Variants in WDR64 observed in about 807,000 individuals in gnomAD.
The protein encoded by WDR64 is WD repeat-containing protein 64.
WDR64 carries 112 observed loss-of-function variants against 139.3 expected under a neutral mutation model. The observed-to-expected ratio is 0.80, with a 90% confidence interval of 0.69 to 0.94. The LOEUF is 0.94. WDR64 is among the 40% of genes least tolerant of loss of function. The pLI is 0.00. For missense variants in WDR64, 1,206 were observed against 1,293.1 expected (o/e 0.93, Z 1.03); for synonymous variants, 444 against 437.7 (o/e 1.01, Z -0.18).
intron 9 of WDR64, among the ~76,000 whole-genome samples, chr1:241,713,422 GGGAAGGA>G (rs1668267655): frequency 9.4e-6 from 1 of 106,294 alleles, no homozygotes; most frequent in Non-Finnish European, 2.1e-5. Flanking sequence ...AGGGAAGGAA[GGGAAGGA>G]AGGAAGGGAA....
intron 23 of WDR64, 116 bp from the exon 24 acceptor site, chr1:241,787,733 C>G: frequency 1.2e-6 from 1 of 845,352 alleles, no homozygotes; most frequent in Non-Finnish European, 1.8e-6. Context: ...GTCTTGAACC[C>G]AAGTAAAAAA....
chr1:241,730,784 C>A (rs10926554), intron 10 of WDR64, among the ~76,000 whole-genome samples: 23,865 of 152,078 alleles, frequency 0.16, 2,190 homozygotes, highest in East Asian at 0.28. Context: ...CAAAAAGAAG[C>A]TAAAAATCTA....
intron 22 of WDR64, 90 bp downstream of exon 22, chr1:241,780,152 ACAAGACTCTC>A (rs377061565): frequency 1.8e-6 from 2 of 1,097,966 alleles, no homozygotes; most frequent in African/African-American, 3.3e-5. Flanking sequence ...GGATAGAAAT[ACAAGACTCTC>A]TGTTGTCAAG....
chr1:241,652,644 T>G lies in WDR64; in HGVS notation c.145+15T>G. ...CCATAAAGAAGGTAAGATCAGTGAT[T>G]ACACGATAGTCCAATTGGGTCTGTT... On this transcript the variant is annotated intron_variant, in intron 1 of 27. Transcript: ENST00000437684. The G allele has an allele frequency of 6.4e-7, 1 of 1,551,248 alleles. No homozygotes were observed. The highest frequency in any genetic ancestry group is 8.7e-7 in the Non-Finnish European group (1 of 1,146,864).
chr1:241,739,381 C>T (rs748637011), intron 11 of WDR64, among the ~76,000 whole-genome samples: 2 of 152,162 alleles, frequency 1.3e-5, no homozygotes, highest in Non-Finnish European at 2.9e-5. Context: ...TTAATTAAGG[C>T]AGGGAAGAGG....
intron 9 of WDR64, among the ~76,000 whole-genome samples, chr1:241,718,217 C>A (rs1408642193): frequency 6.6e-6 from 1 of 152,094 alleles, no homozygotes; most frequent in Non-Finnish European, 1.5e-5. Context: ...CTAGGCTCAC[C>A]AGATAATGGG....
rs1175795110 is a variant in WDR64 at position 241,801,402 on chromosome 1, C to G, written c.*187C>G. On this transcript the variant is annotated 3_prime_UTR_variant, in exon 28 of 28. Coordinates refer to ENST00000437684, the MANE Select transcript of WDR64 (RefSeq NM_001367482.1). ...ACCTTAACTCTGAATACCAAGCAAG[C>G]AGCAAGCAGCCAGAAGTTTAGGCGG... 2.0e-6 allele frequency: 1 copy of G among 498,846 alleles called. No homozygotes were observed. 30.9% of individuals were successfully genotyped at this position (498,846 alleles called of 1,614,324 possible).
intron 10 of WDR64, among the ~76,000 whole-genome samples, chr1:241,725,121 G>T (rs987127835): frequency 4.6e-5 from 7 of 151,804 alleles, no homozygotes; most frequent in Admixed American, 3.9e-4. Flanking sequence ...AGTCAGTAGG[G>T]GAAAGAAAGT....
At chr1:241,664,497 C>A (rs1558460377) in intron 2 of WDR64, among the ~76,000 whole-genome samples, 1 of 152,176 alleles carries the variant, frequency 6.6e-6, no homozygotes, top group Non-Finnish European at 1.5e-5. Context: ...ACAAATGAGA[C>A]AAAGCACTCT....
chr1:241,790,562 T>G (rs751387950), intron 24 of WDR64, 29 bp from the exon 25 acceptor site: 2 of 1,534,168 alleles, frequency 1.3e-6, no homozygotes, highest in Non-Finnish European at 1.8e-6. Context: ...GGTATGGGTA[T>G]GTACTTATTC....
rs950323998 is a variant in WDR64, at chr1:241,652,310, C to T, written c.-175C>T. The stretch of plus-strand genomic sequence containing the variant: ...CTAAATCAGCTTTCCTCCCTGCTAA[C>T]ATCCTAGTGGCAACTCTTACTCCTA... On this transcript the variant is annotated 5_prime_UTR_variant, in exon 1 of 28. Coordinates refer to ENST00000437684, the MANE Select transcript of WDR64 (RefSeq NM_001367482.1). 1.0e-5 allele frequency: 6 copies of T among 599,412 alleles called. No homozygotes were observed. The highest frequency in any genetic ancestry group is 3.0e-4 in the Middle Eastern group (1 of 3,338). The allele number at this position is 599,412 out of a possible 1,614,324, so 37.1% of individuals were successfully genotyped here.
intron 10 of WDR64, among the ~76,000 whole-genome samples, chr1:241,737,009 T>C (rs1260398996): frequency 2.0e-5 from 3 of 152,226 alleles, no homozygotes; most frequent in Admixed American, 1.3e-4. Context: ...ACAGTTTGCA[T>C]AGAAACACAT....
Position 241,665,916 on chromosome 1 carries a change from T to A in WDR64, c.277-5158T>A, listed in dbSNP as rs531821820. On this transcript the variant is annotated intron_variant, in intron 2 of 27. Transcript: ENST00000437684. ...AATTTAAAGTGTATTATTATAAATCTAAAATTATATTTGCTAACTTCAAAA... is the reference window on the plus strand; with the variant it reads ...AATTTAAAGTGTATTATTATAAATCAAAAATTATATTTGCTAACTTCAAAA... Among the ~76,000 whole-genome samples the A allele has an allele frequency of 3.0e-4, 45 of 152,302 alleles. 1 individual carries two copies. In the South Asian group the frequency reaches 9.3e-3, roughly 32 times the overall value.
intron 2 of WDR64, among the ~76,000 whole-genome samples, chr1:241,662,217 A>G (rs1425037613): frequency 1.3e-5 from 2 of 152,188 alleles, no homozygotes; most frequent in Admixed American, 6.5e-5. Flanking sequence ...AGAAATATAT[A>G]TCATAGTTTG....
chr1:241,724,954 C>T (rs1466100514), intron 10 of WDR64, among the ~76,000 whole-genome samples: 1 of 151,970 alleles, frequency 6.6e-6, no homozygotes, highest in Non-Finnish European at 1.5e-5. Flanking sequence ...TATCTAGTGC[C>T]GAAGTGTGGT....
chr1:241,676,203 G>A (rs942021436), intron 4 of WDR64: 7 of 152,154 alleles, frequency 4.6e-5, no homozygotes, highest in African/African-American at 1.7e-4. Flanking sequence ...GCAGAGTGTG[G>A]GCGTGGAGTC....
intron 2 of WDR64, among the ~76,000 whole-genome samples, chr1:241,663,864 T>G (rs1449263425): frequency 6.6e-6 from 1 of 152,248 alleles, no homozygotes; most frequent in Non-Finnish European, 1.5e-5. Context: ...TCTGAAGACA[T>G]AGGCCCCTTG....
Position 241,741,591 on chromosome 1 carries a change from G to C in WDR64, c.1397G>C (p.Arg466Pro), listed in dbSNP as rs150454119. 1.9e-6 allele frequency: 3 copies of C among 1,613,436 alleles called. No homozygotes were observed. The highest frequency in any genetic ancestry group is 2.5e-6 in the Non-Finnish European group (3 of 1,179,808). Residue 466 changes from arginine (R) to proline (P), a missense_variant, in exon 12 of 28, where the codon CGA (arginine) becomes CCA (proline). Arg to Pro is a moderately radical substitution (Grantham distance 103, BLOSUM62 -2). Coordinates refer to ENST00000437684, the MANE Select transcript of WDR64 (RefSeq NM_001367482.1). ...DTKQVPHTHE[R>P]EINVMLYNKY... Reference sequence around the variant, plus strand: ...AAACAGGTTCCTCACACTCATGAACGAGAAATCAATGTCATGCTTTACAAC... The same window carrying C: ...AAACAGGTTCCTCACACTCATGAACCAGAAATCAATGTCATGCTTTACAAC...
chr1:241,671,175 A>C lies in WDR64; in HGVS notation c.378A>C (p.Ser126=), dbSNP rs978356098. Residue 126 remains serine (S), a splice_region_variant and synonymous_variant, in exon 3 of 28, where the codon TCA becomes TCC. Coordinates refer to ENST00000437684, the MANE Select transcript of WDR64 (RefSeq NM_001367482.1). The part of the protein sequence containing the change: ...FVSRKRRILI[S]GSRRRDVIKS... ...CTAGAAAAAGGCGAATTTTAATTTC[A>C]GGTGACATTTTAATTTTCTCTTCCA... is the stretch of plus-strand genomic sequence containing the variant. 4 of 1,539,576 alleles carry C rather than the reference A, an allele frequency of 2.6e-6. No homozygotes were observed. Among genetic ancestry groups the C allele is most frequent in the Non-Finnish European group, 2.6e-6 (3 of 1,137,766 alleles).
Sources: allele counts gnomAD v4.1 joint callset (sites outside exome capture counted in the v4.1 genomes callset), GRCh38; gene constraint gnomAD v4.1.1; transcripts MANE v1.5; gene names NCBI Gene and HGNC (gene_info 2026-07-23, HGNC 2026-07-21).